The following FYB1 variants were observed in gnomAD, a reference collection of about 807,000 sequenced individuals.
FYB1 encodes FYN binding protein 1.
Under a neutral mutation model 94.1 loss-of-function variants are expected in FYB1, and 41 were observed. The ratio of observed to expected loss-of-function variants is 0.44; its 90% CI spans 0.34 to 0.57. The LOEUF is 0.57. Ranked by LOEUF, FYB1 falls within the 20% of genes least tolerant of loss-of-function variation. FYB1 has a pLI of 0.02. For synonymous variants in FYB1, 367 were observed against 353.2 expected (o/e 1.04, Z -0.44); for missense variants, 1,050 against 976.8 (o/e 1.07, Z -1.00).
At chr5:39,135,071 AG>A in intron 7 of FYB1, 57 bp from the exon 8 acceptor site, 1 of 1,572,004 alleles carries the variant, frequency 6.4e-7, no homozygotes, top group Non-Finnish European at 8.7e-7. Flanking sequence ...AAAATCTTTA[AG>A]GAATGCAATT....
chr5:39,219,411 T>C, intron 1 of FYB1, 32 bp downstream of exon 1: 1 of 985,050 alleles, frequency 1.0e-6, no homozygotes. Flanking sequence ...TACACATTTA[T>C]TTGAAAGAAG....
intron 1 of FYB1, among the ~76,000 whole-genome samples, chr5:39,231,147 CAAAAAAA>C (rs747268330): frequency 2.4e-5 from 1 of 40,940 alleles, no homozygotes; most frequent in African/African-American, 8.4e-5. Context: ...CAGCTCAGAG[CAAAAAAA>C]AAAAAAACAA....
chr5:39,187,021 T>TA (rs1045315569), intron 2 of FYB1, among the ~76,000 whole-genome samples: 4 of 151,826 alleles, frequency 2.6e-5, no homozygotes, highest in South Asian at 2.1e-4. Flanking sequence ...TAACTCATGA[T>TA]AAAAAAAATG....
Position 39,265,020 on chromosome 5 carries a change from C to T in FYB1, c.-28+9383G>A, listed in dbSNP as rs561834571. Among the ~76,000 whole-genome samples, 6 of 151,820 alleles carry T rather than the reference C, an allele frequency of 4.0e-5. 1 individual carries two copies. The highest frequency in any genetic ancestry group is 3.9e-4 in the Admixed American group (6 of 15,260). ...TGGGCCCTGGACCAGCAGCGTCAGC[C>T]TCATCTGAGAACTTATTAGAAATGC... On this transcript the variant is annotated intron_variant, in intron 1 of 1. Transcript: ENST00000510188.
chr5:39,134,785 G>T, intron 8 of FYB1, 70 bp downstream of exon 8: 1 of 1,534,658 alleles, frequency 6.5e-7, no homozygotes, highest in East Asian at 2.3e-5. Flanking sequence ...ACGAGTTCTG[G>T]AGGAATATGT....
At chr5:39,221,565 A>C (rs922996514), upstream of FYB1, among the ~76,000 whole-genome samples, 15 of 152,242 alleles carry the variant, frequency 9.9e-5, no homozygotes, top group Admixed American at 9.2e-4. Flanking sequence ...TTCCTTCTGC[A>C]TGGGGGCAGA....
intron 2 of FYB1, among the ~76,000 whole-genome samples, chr5:39,168,275 C>T (rs1744922654): frequency 6.6e-6 from 1 of 152,110 alleles, no homozygotes; most frequent in Non-Finnish European, 1.5e-5. Context: ...TCAGTTTTCC[C>T]ACTACATTTC....
chr5:39,202,502 C>A lies in FYB1; in HGVS notation c.459G>T (p.Pro153=). ...AGGTTGGAGGAGTAGGCCCAGATTT[C>A]GGGCCTAGTGGCTTTAAGTCATGGT... ...NQDHDLKPLG[P]KSGPTPPTSE... is the part of the protein sequence containing the mutation. The change falls in exon 2 of 19, where the codon CCG becomes CCT. Residue 153 remains proline, a synonymous_variant. Coordinates refer to ENST00000512982, the MANE Select transcript of FYB1 (RefSeq NM_001465.6). 1 of 1,613,926 alleles carries A rather than the reference C, an allele frequency of 6.2e-7. No homozygotes were observed.
At chr5:39,154,710 T>C (rs1046469901) in intron 2 of FYB1, among the ~76,000 whole-genome samples, 1 of 152,034 alleles carries the variant, frequency 6.6e-6, no homozygotes, top group African/African-American at 2.4e-5. Flanking sequence ...TTTCTCTTTG[T>C]ATTTTTAGTA....
intron 3 of FYB1, among the ~76,000 whole-genome samples, chr5:39,147,808 G>A (rs1393357676): frequency 1.3e-5 from 2 of 150,288 alleles, no homozygotes; most frequent in Non-Finnish European, 3.0e-5. Flanking sequence ...AGCCTCCCGA[G>A]TAGCTGGGAC....
intron 9 of FYB1, 106 bp downstream of exon 9, chr5:39,134,102 T>C: frequency 1.3e-6 from 1 of 746,806 alleles, no homozygotes; most frequent in South Asian, 2.9e-5. Context: ...AGTTTAGTGA[T>C]AGAGAGCAGT....
At chr5:39,110,231 A>G in intron 17 of FYB1, 125 bp downstream of exon 17, 1 of 589,826 alleles carries the variant, frequency 1.7e-6, no homozygotes, top group Non-Finnish European at 2.9e-6. Flanking sequence ...AGTATAGCAT[A>G]TTGTTTTTAA....
rs374928648 is a variant in FYB1 at position 39,201,936 on chromosome 5, G to A, written c.1025C>T (p.Pro342Leu). Reference protein sequence around the residue: ...KEKGDKNSATPKQKPLPPLFT... With the variant: ...KEKGDKNSATLKQKPLPPLFT... Reference sequence around the variant, plus strand: ...CAAGGGAGGCAATGGCTTCTGTTTCGGGGTGGCTGAATTCTTGTCTCCCTT... The same window carrying A: ...CAAGGGAGGCAATGGCTTCTGTTTCAGGGTGGCTGAATTCTTGTCTCCCTT... Residue 342 changes from proline to leucine, a missense_variant, in exon 2 of 19, where the codon CCG (proline) becomes CTG (leucine). Pro to Leu is a moderately conservative substitution (Grantham distance 98). Coordinates refer to ENST00000512982, the MANE Select transcript of FYB1 (RefSeq NM_001465.6). 219 of 1,613,974 alleles carry A rather than the reference G, an allele frequency of 1.4e-4. No homozygotes were observed. The highest frequency in any genetic ancestry group is 1.6e-4 in the Non-Finnish European group (188 of 1,179,884).
chr5:39,226,962 G>A (rs1002554598), intron 1 of FYB1, among the ~76,000 whole-genome samples: 1 of 152,198 alleles, frequency 6.6e-6, no homozygotes. Context: ...TATTGGCTGA[G>A]GCAAAAGCTA....
rs774770343 is a variant in FYB1 at position 39,202,955 on chromosome 5, C to T, written c.6G>A (p.Ala2=). The change falls in exon 2 of 19, where the codon GCG becomes GCA. Residue 2 remains alanine (A), a synonymous_variant. Transcript: ENST00000512982. The stretch of plus-strand genomic sequence containing the variant: ...TCGGGTTGCCCCCCGTGTTATATTT[C>T]GCCATGAGGGACTTTACATCTGCCT... The part of the protein sequence containing the change: M[A]KYNTGGNPTE... The T allele has an allele frequency of 3.1e-6, 5 of 1,613,790 alleles. No individual in the cohort carries two copies. Among genetic ancestry groups the T allele is most frequent in the South Asian group, 2.2e-5 (2 of 91,078 alleles).
At chr5:39,115,653 T>C (rs562475837) in intron 16 of FYB1, among the ~76,000 whole-genome samples, 17 of 152,058 alleles carry the variant, frequency 1.1e-4, no homozygotes, top group South Asian at 2.1e-4. Context: ...AAAAATCTTA[T>C]AGAGGTGTGC....
At chr5:39,140,806 A>G (rs1742103961) in intron 4 of FYB1, among the ~76,000 whole-genome samples, 1 of 152,074 alleles carries the variant, frequency 6.6e-6, no homozygotes, top group African/African-American at 2.4e-5. Flanking sequence ...AGAGAAACCT[A>G]TAACATACTC....
At chr5:39,233,946 G>C (rs1750852039) in intron 1 of FYB1, among the ~76,000 whole-genome samples, 1 of 152,054 alleles carries the variant, frequency 6.6e-6, no homozygotes, top group African/African-American at 2.4e-5. Flanking sequence ...TGCCTGAAAG[G>C]GACTTGATGA....
intron 1 of FYB1, among the ~76,000 whole-genome samples, chr5:39,266,358 G>A (rs182681644): frequency 6.6e-6 from 1 of 152,268 alleles, no homozygotes; most frequent in Non-Finnish European, 1.5e-5. Context: ...AGGGAGAAAT[G>A]GGAAGGTTGA....
Sources: allele counts gnomAD v4.1 joint callset (sites outside exome capture counted in the v4.1 genomes callset), GRCh38; gene constraint gnomAD v4.1.1; transcripts MANE v1.5; gene names NCBI Gene and HGNC (gene_info 2026-07-23, HGNC 2026-07-21).